CDCA7L: variants seen among roughly 807,000 people sequenced by gnomAD.
The protein encoded by CDCA7L is cell division cycle-associated 7-like protein.
Under a neutral mutation model 57.4 loss-of-function variants are expected in CDCA7L, and 44 were observed. That is an observed-to-expected ratio of 0.77 (90% CI 0.60 to 0.98). The LOEUF is 0.98. Among genes scored for constraint, CDCA7L ranks in the 50% least tolerant of loss-of-function variants. CDCA7L has a pLI of 0.00. For missense variants in CDCA7L, 644 were observed against 580.6 expected (o/e 1.11, Z -1.12); for synonymous variants, 236 against 202.8 (o/e 1.16, Z -1.39).
In CDCA7L at chr7:21,917,909, C is replaced by T. The variant is rs189014679; in HGVS notation, c.25-1015G>A. 8.1e-4 allele frequency among the ~76,000 whole-genome samples: 63 copies of T among 77,352 alleles called. No individual in the cohort carries two copies. In the East Asian group the frequency reaches 0.03, roughly 37 times the overall value. 50.7% of individuals were successfully genotyped at this position (77,352 alleles called of 152,430 possible). A position where few individuals can be genotyped will look rare whatever the true frequency, so the allele number is the denominator to read the frequency against. On this transcript the variant is annotated intron_variant, in intron 1 of 9. Transcript: ENST00000406877. Reference sequence around the variant, plus strand: ...AATAATTAACATTAATTCAATAGTACGATTTACTGTAACTCTATATTTTAA... The same window carrying T: ...AATAATTAACATTAATTCAATAGTATGATTTACTGTAACTCTATATTTTAA...
chr7:21,902,403 G>GCATTC (rs1405024293), intron 9 of CDCA7L, 51 bp from the exon 10 acceptor site: 2 of 1,536,168 alleles, frequency 1.3e-6, no homozygotes, highest in Non-Finnish European at 1.8e-6. Context: ...TACACAAATG[G>GCATTC]CATTCTAGGC....
intron 1 of CDCA7L, chr7:21,940,435 G>A (rs138993485): frequency 7.9e-5 from 22 of 279,240 alleles, no homozygotes; most frequent in East Asian, 3.5e-4. Context: ...GCTGGACATC[G>A]TCTCCTAAGC....
At chr7:21,919,207 C>A (rs1785582099) in intron 1 of CDCA7L, among the ~76,000 whole-genome samples, 1 of 152,094 alleles carries the variant, frequency 6.6e-6, no homozygotes, top group Non-Finnish European at 1.5e-5. Context: ...ATAATATAGT[C>A]TTTCTCTCAC....
Position 21,902,166 on chromosome 7 carries a change from T to C in CDCA7L, c.*156A>G. On this transcript the variant is annotated 3_prime_UTR_variant, in exon 10 of 10. Transcript: ENST00000406877. ...CTGCTGTCTTCCTGAGAAATCTTTG[T>C]AAGCATATAAACAATCTTTAACAAA... 1.4e-6 allele frequency: 1 copy of C among 721,742 alleles called. No individual in the cohort carries two copies. The highest frequency in any genetic ancestry group is 2.4e-6 in the Non-Finnish European group (1 of 416,388). 44.7% of individuals were successfully genotyped at this position (721,742 alleles called of 1,614,324 possible). A position where few individuals can be genotyped will look rare whatever the true frequency, so the allele number is the denominator to read the frequency against.
chr7:21,903,349 A>AT (rs764661969), intron 8 of CDCA7L, among the ~76,000 whole-genome samples: 12 of 152,026 alleles, frequency 7.9e-5, no homozygotes, highest in Non-Finnish European at 1.5e-4. Context: ...AATTATGGAG[A>AT]TTTTCACAAG....
In CDCA7L at chr7:21,919,288, T is replaced by A. The variant is rs1785584427; in HGVS notation, c.25-2394A>T. On this transcript the variant is annotated intron_variant, in intron 1 of 9. Transcript: ENST00000406877. ...TTATTATTAAATGTGTTATAATCCATACTCTCATAATGCTGACTGTCCCAA... is the reference window on the plus strand; with the variant it reads ...TTATTATTAAATGTGTTATAATCCAAACTCTCATAATGCTGACTGTCCCAA... Among the ~76,000 whole-genome samples, 7 of 152,210 alleles carry A rather than the reference T, an allele frequency of 4.6e-5. No individual in the cohort carries two copies. In the South Asian group the frequency reaches 1.4e-3, roughly 31 times the overall value.
chr7:21,944,855 G>C (rs1381204125), intron 1 of CDCA7L: 1 of 149,058 alleles, frequency 6.7e-6, no homozygotes, highest in Non-Finnish European at 1.5e-5. Flanking sequence ...TGAGTCTCGC[G>C]ACTCTCAATA....
chr7:21,927,822 G>A (rs999552887), intron 1 of CDCA7L, among the ~76,000 whole-genome samples: 2 of 152,238 alleles, frequency 1.3e-5, no homozygotes, highest in Non-Finnish European at 2.9e-5. Flanking sequence ...CCAGTCAGGG[G>A]TTTACAGATA....
intron 1 of CDCA7L, chr7:21,940,261 C>A (rs1786298101): frequency 1.0e-6 from 1 of 973,068 alleles, no homozygotes; most frequent in Non-Finnish European, 1.2e-6. Context: ...ACACCACTTA[C>A]CTGGAAGGAA....
intron 8 of CDCA7L, chr7:21,903,873 T>G: frequency 2.5e-6 from 1 of 396,070 alleles, no homozygotes; most frequent in Non-Finnish European, 4.5e-6. Context: ...TGTAAGCAAG[T>G]TTTGCTCTGA....
At chr7:21,902,626 TGAACTCTCTCTCTGCACTAGG>T (rs1784960495) in intron 9 of CDCA7L, 2 of 535,390 alleles carry the variant, frequency 3.7e-6, no homozygotes, top group Admixed American at 6.4e-5. Context: ...CCTCTTGCCC[TGAACTCTCTCTCTGCACTAGG>T]ATTATGGCTG....
At chr7:21,918,580 A>G (rs1490494436) in intron 1 of CDCA7L, among the ~76,000 whole-genome samples, 2 of 152,192 alleles carry the variant, frequency 1.3e-5, no homozygotes, top group Non-Finnish European at 2.9e-5. Flanking sequence ...GAGTCTGTCC[A>G]AGTCTGAAGT....
intron 3 of CDCA7L, among the ~76,000 whole-genome samples, chr7:21,909,215 A>G (rs1785237448): frequency 6.6e-6 from 1 of 152,232 alleles, no homozygotes; most frequent in Non-Finnish European, 1.5e-5. Context: ...TACAAGTGAG[A>G]ACACAGTAAA....
chr7:21,903,074 C>A lies in CDCA7L; in HGVS notation c.1238G>T (p.Ser413Ile), dbSNP rs1784988438. The A allele has an allele frequency of 1.2e-6, 2 of 1,614,054 alleles. No homozygotes were observed. The highest frequency in any genetic ancestry group is 1.7e-6 in the Non-Finnish European group (2 of 1,179,974). ...CPPCRGICNC[S>I]YCRKRDGRCA... is the part of the protein sequence containing the mutation. ...GCGGCCGTCACGCTTCCGACAGTAG[C>A]TGCAATTGCAGATCCCACGACAGGG... The change falls in exon 9 of 10, where the codon AGC becomes ATC. Residue 413 changes from serine (S) to isoleucine (I), a missense_variant. Coordinates refer to ENST00000406877, the MANE Select transcript of CDCA7L (RefSeq NM_018719.5).
intron 2 of CDCA7L, among the ~76,000 whole-genome samples, chr7:21,914,150 C>T (rs565792125): frequency 6.6e-6 from 1 of 152,252 alleles, no homozygotes; most frequent in Admixed American, 6.5e-5. Flanking sequence ...AGAAACAGAC[C>T]AGAGAGCAAT....
At chr7:21,917,924 C>A (rs558735759) in intron 1 of CDCA7L, among the ~76,000 whole-genome samples, 22 of 76,828 alleles carry the variant, frequency 2.9e-4, no homozygotes, top group Admixed American at 2.7e-3. Flanking sequence ...TACTGTAACT[C>A]TATATTTTAA....
At chr7:21,938,086 G>C (rs757239217) in intron 1 of CDCA7L, among the ~76,000 whole-genome samples, 17 of 152,044 alleles carry the variant, frequency 1.1e-4, no homozygotes, top group Non-Finnish European at 2.4e-4. Flanking sequence ...AAAAACTTTT[G>C]TGCAAAGGGC....
In CDCA7L at chr7:21,906,429, A is replaced by T. The variant is rs764612197; in HGVS notation, c.781T>A (p.Ser261Thr). Residue 261 changes from serine (S) to threonine (T), a missense_variant, in exon 6 of 10, where the codon TCG (serine) becomes ACG (threonine). Coordinates refer to ENST00000406877, the MANE Select transcript of CDCA7L (RefSeq NM_018719.5). ...SRKKTVRRAF[S>T]EGQITRRMNP... is the part of the protein sequence containing the mutation. The stretch of plus-strand genomic sequence containing the variant: ...ATACGCCGCGTGATCTGTCCCTCCG[A>T]GAAGGCCCGCCTCACTGTCTTCTTC... 6.2e-7 allele frequency: 1 copy of T among 1,611,050 alleles called. No homozygotes were observed. Among genetic ancestry groups the T allele is most frequent in the Non-Finnish European group, 8.5e-7 (1 of 1,178,234 alleles).
chr7:21,912,806 G>A (rs1367837822), intron 2 of CDCA7L, among the ~76,000 whole-genome samples: 1 of 152,160 alleles, frequency 6.6e-6, no homozygotes, highest in Non-Finnish European at 1.5e-5. Flanking sequence ...GGTGGCAAGT[G>A]AGCAGAAGGA....
Sources: allele counts gnomAD v4.1 joint callset (sites outside exome capture counted in the v4.1 genomes callset), GRCh38; gene constraint gnomAD v4.1.1; transcripts MANE v1.5; gene names NCBI Gene and HGNC (gene_info 2026-07-23, HGNC 2026-07-21).